The following NSD1 variants were observed in gnomAD, a reference collection of about 807,000 sequenced individuals.
NSD1 encodes nuclear receptor binding SET domain protein 1.
In NSD1, 26 loss-of-function variants were observed where a neutral mutation model predicts 242.7. The observed-to-expected ratio is 0.11, with a 90% CI of 0.08 to 0.15. NSD1 has a LOEUF of 0.15. Among genes scored for constraint, NSD1 ranks in the 10% least tolerant of loss-of-function variants. The pLI, the probability that NSD1 is intolerant of heterozygous loss-of-function variation, is 1.00. For missense variants in NSD1, 2,495 were observed against 3,272.8 expected, an observed-to-expected ratio of 0.76 and a Z score of 5.80; for synonymous variants, 1,106 against 1,178.1, an observed-to-expected ratio of 0.94 and a Z score of 1.25.
At chr5:177,181,425 TG>T (rs148025423) in intron 2 of NSD1, among the ~76,000 whole-genome samples, 18 of 128,572 alleles carry the variant, frequency 1.4e-4, no homozygotes, top group South Asian at 2.5e-4. Context: ...GGTTTTTTTT[TG>T]GTTTTTTTTT....
At chr5:177,284,818 C>T (rs564740243) in intron 20 of NSD1, among the ~76,000 whole-genome samples, 2 of 152,314 alleles carry the variant, frequency 1.3e-5, no homozygotes, top group South Asian at 4.1e-4. Context: ...TAAAAATAAA[C>T]CACTGGGTGT....
intron 10 of NSD1, among the ~76,000 whole-genome samples, chr5:177,247,524 C>T (rs1377774179): frequency 9.4e-5 from 14 of 148,606 alleles, no homozygotes; most frequent in Admixed American, 3.4e-4. Flanking sequence ...AACAGGATTT[C>T]GAGACCAACC....
intron 2 of NSD1, among the ~76,000 whole-genome samples, chr5:177,155,958 G>T (rs1443915187): frequency 6.6e-6 from 1 of 151,972 alleles, no homozygotes; most frequent in East Asian, 1.9e-4. Context: ...GCCCGACTCA[G>T]CCTCCCAAAG....
chr5:177,250,073 C>T (rs1195391812), intron 11 of NSD1, among the ~76,000 whole-genome samples: 1 of 152,126 alleles, frequency 6.6e-6, no homozygotes, highest in African/African-American at 2.4e-5. Flanking sequence ...GTGACTGAGA[C>T]CCTATCTCAC....
At chr5:177,203,968 C>T in intron 3 of NSD1, 152 bp from the exon 4 acceptor site, 1 of 738,476 alleles carries the variant, frequency 1.4e-6, no homozygotes, top group South Asian at 1.6e-5. Context: ...TAAAATTTTC[C>T]TTGTGTATGA....
At chr5:177,229,339 C>T (rs998066002) in intron 5 of NSD1, among the ~76,000 whole-genome samples, 2 of 152,130 alleles carry the variant, frequency 1.3e-5, no homozygotes, top group South Asian at 4.1e-4. Flanking sequence ...GTAGGCATGA[C>T]GTACTGGTTG....
chr5:177,275,523 T>TC (rs1177306586), intron 17 of NSD1, among the ~76,000 whole-genome samples: 1 of 129,162 alleles, frequency 7.7e-6, no homozygotes, highest in East Asian at 2.6e-4. Context: ...AAGCTCTGCC[T>TC]CCCGGGTTCA....
chr5:177,155,834 C>T lies in NSD1; in HGVS notation c.927+19804C>T, dbSNP rs559020046. ...CCCAGTAGCTGGGATTACAGGTGTCCGCTAATTTTTGTATTTTTACAAAAT... is the reference window on the plus strand; with the variant it reads ...CCCAGTAGCTGGGATTACAGGTGTCTGCTAATTTTTGTATTTTTACAAAAT... On this transcript the variant is annotated intron_variant, in intron 2 of 22. Transcript: ENST00000439151. 1.1e-3 allele frequency among the ~76,000 whole-genome samples: 160 copies of T among 151,054 alleles called. 1 individual carries two copies. The highest frequency in any genetic ancestry group is 3.8e-3 in the African/African-American group (158 of 41,178).
intron 5 of NSD1, among the ~76,000 whole-genome samples, chr5:177,223,065 TA>T (rs1188813634): frequency 1.6e-4 from 25 of 151,894 alleles, no homozygotes; most frequent in African/African-American, 6.0e-4. Flanking sequence ...TTGAAAAGAA[TA>T]TTCTTTTTCT....
At chr5:177,233,796 C>G (rs1275273480) in intron 5 of NSD1, among the ~76,000 whole-genome samples, 1 of 152,102 alleles carries the variant, frequency 6.6e-6, no homozygotes, top group Non-Finnish European at 1.5e-5. Flanking sequence ...TTCGGCTCAT[C>G]CTGCAGCTGC....
intron 2 of NSD1, among the ~76,000 whole-genome samples, chr5:177,183,192 C>T (rs1214913593): frequency 6.6e-6 from 1 of 152,100 alleles, no homozygotes; most frequent in Non-Finnish European, 1.5e-5. Context: ...CAAATTTATA[C>T]ATTGAATACA....
At chr5:177,236,066 C>G (rs1320839869) in intron 6 of NSD1, 121 bp downstream of exon 6, 8 of 1,082,938 alleles carry the variant, frequency 7.4e-6, no homozygotes, top group Non-Finnish European at 9.8e-6. Flanking sequence ...GTTTTTTATT[C>G]TCAGCTTCTA....
rs587784090 is a variant in NSD1, at chr5:177,211,324, C to T, written c.2925C>T (p.Ser975=). ...SEKKGDGTQN[S]ANPSPSGGDS... ...AAAAGGGAGATGGCACTCAGAACTC[C>T]GCCAATCCTAGCCCTAGTGGGGGTG... The change falls in exon 5 of 23, where the codon TCC becomes TCT. Residue 975 remains serine (S), a synonymous_variant. Coordinates refer to ENST00000439151, the MANE Select transcript of NSD1 (RefSeq NM_022455.5). 6.8e-6 allele frequency: 11 copies of T among 1,613,948 alleles called. No homozygotes were observed. The highest frequency in any genetic ancestry group is 1.6e-4 in the Middle Eastern group (1 of 6,084).
intron 2 of NSD1, among the ~76,000 whole-genome samples, chr5:177,172,978 A>AG (rs1759838801): frequency 6.6e-6 from 1 of 151,158 alleles, no homozygotes; most frequent in East Asian, 1.9e-4. Context: ...AAAAAAAAAA[A>AG]AAAAGAATAT....
chr5:177,172,576 G>T (rs1296524094), intron 2 of NSD1, among the ~76,000 whole-genome samples: 2 of 152,174 alleles, frequency 1.3e-5, no homozygotes, highest in East Asian at 3.8e-4. Context: ...CTAGCCTGCA[G>T]TCCAAATATG....
At chr5:177,140,144 A>G (rs924051498) in intron 2 of NSD1, among the ~76,000 whole-genome samples, 1 of 152,178 alleles carries the variant, frequency 6.6e-6, no homozygotes, top group Admixed American at 6.5e-5. Context: ...TTCTCTGCAT[A>G]CAGTGAAGTG....
At chr5:177,199,357 A>G (rs1762336128) in intron 3 of NSD1, among the ~76,000 whole-genome samples, 1 of 152,046 alleles carries the variant, frequency 6.6e-6, no homozygotes, top group African/African-American at 2.4e-5. Flanking sequence ...TCTTGGACTC[A>G]TGTGATTCTC....
In NSD1 at chr5:177,210,066, A is replaced by G; in HGVS notation, c.1667A>G (p.Asn556Ser). The G allele has an allele frequency of 6.2e-7, 1 of 1,613,956 alleles. No individual in the cohort carries two copies. Among genetic ancestry groups the G allele is most frequent in the Non-Finnish European group, 8.5e-7 (1 of 1,179,928 alleles). The change falls in exon 5 of 23, where the codon AAT becomes AGT. Residue 556 changes from asparagine (N) to serine (S), a missense_variant. Asn to Ser is a conservative substitution (Grantham distance 46). Around this residue, in one of 19 missense-constraint regions of NSD1, gnomAD observed 515 missense variants for 467.0 expected, o/e 1.10. Transcript: ENST00000439151. ...QASNELSRIA[N>S]SLTGSNTAPG... ...TCTAATGAACTTTCCAGGATAGCAAATAGCCTCACAGGGTCCAACACTGCC... is the reference window on the plus strand; with the variant it reads ...TCTAATGAACTTTCCAGGATAGCAAGTAGCCTCACAGGGTCCAACACTGCC...
intron 14 of NSD1, chr5:177,264,881 T>C (rs1562274671): frequency 7.8e-6 from 6 of 768,226 alleles, no homozygotes; most frequent in East Asian, 2.4e-5. Flanking sequence ...AAAGGTGATA[T>C]TGTAGACATC....
Sources: gnomAD v4.1 joint callset for allele counts (sites outside exome capture counted in the v4.1 genomes callset) on GRCh38, gnomAD v4.1.1 for gene constraint, gnomAD v4.1.1 regional missense constraint, MANE v1.5 for transcripts, NCBI Gene and HGNC (gene_info 2026-07-23, HGNC 2026-07-21) for gene names.